EML4: variants seen among roughly 807,000 people sequenced by gnomAD.
The protein encoded by EML4 is EMAP like 4.
A neutral mutation model predicts 129.0 loss-of-function variants in EML4; 72 were observed. That is an observed-to-expected ratio of 0.56 (90% CI 0.46 to 0.68). EML4 has a LOEUF of 0.68. EML4 is among the 30% of genes least tolerant of loss of function. The pLI, the probability that EML4 is intolerant of heterozygous loss-of-function variation, is 0.00. For missense variants in EML4, 1,363 were observed against 1,190.6 expected, an observed-to-expected ratio of 1.14 and a Z score of -2.13; for synonymous variants, 532 against 405.0, an observed-to-expected ratio of 1.31 and a Z score of -3.77.
chr2:42,253,955 CTG>C (rs1056157480), intron 2 of EML4, among the ~76,000 whole-genome samples: 16 of 152,136 alleles, frequency 1.1e-4, no homozygotes, highest in Admixed American at 3.9e-4. Context: ...CTTTCAAAAA[CTG>C]TTTTGAAAAT....
Position 42,214,096 on chromosome 2 carries a change from A to C in EML4, c.26-31409A>C, listed in dbSNP as rs549162009. 3.9e-5 allele frequency among the ~76,000 whole-genome samples: 6 copies of C among 152,322 alleles called. No individual in the cohort carries two copies. In the East Asian group the frequency reaches 9.6e-4, roughly 24 times the overall value. ...ATGTCAATGAAAACAAAAATGTAGA[A>C]GTTTAAAACATTTTACTGTTTTAAA... On this transcript the variant is annotated intron_variant, in intron 1 of 22. Transcript: ENST00000318522.
At chr2:42,307,962 T>C (rs1427789175) in intron 17 of EML4, among the ~76,000 whole-genome samples, 1 of 152,056 alleles carries the variant, frequency 6.6e-6, no homozygotes, top group East Asian at 1.9e-4. Context: ...GCCAAGGACA[T>C]TTTTCTAGTA....
chr2:42,279,136 T>A (rs1235424213), intron 6 of EML4, among the ~76,000 whole-genome samples: 1 of 152,174 alleles, frequency 6.6e-6, no homozygotes, highest in Non-Finnish European at 1.5e-5. Context: ...GTTTTTGTTT[T>A]TTATTATTGC....
At position 42,192,487 on chromosome 2, in the gene EML4, G is replaced by C. The variant is rs922161720; in HGVS notation, c.25+22851G>C. On this transcript the variant is annotated intron_variant, in intron 1 of 22. Coordinates refer to ENST00000318522, the MANE Select transcript of EML4 (RefSeq NM_019063.5). ...ACTCCTGACCTCAAGTGATCCACCT[G>C]CCTCAGCCTCCCAAAGTACTGGGAT... is the stretch of plus-strand genomic sequence containing the variant. Among the ~76,000 whole-genome samples, 8 of 152,086 alleles carry C rather than the reference G, an allele frequency of 5.3e-5. No individual in the cohort carries two copies. In the South Asian group the frequency reaches 1.2e-3, roughly 24 times the overall value.
chr2:42,184,447 A>G (rs1352964864), intron 1 of EML4, among the ~76,000 whole-genome samples: 1 of 134,360 alleles, frequency 7.4e-6, no homozygotes. Context: ...TCCCTGGTTT[A>G]AGAACTTTCA....
At chr2:42,245,251 T>C (rs1271560552) in intron 1 of EML4, among the ~76,000 whole-genome samples, 2 of 151,590 alleles carry the variant, frequency 1.3e-5, no homozygotes, top group Admixed American at 6.6e-5. Context: ...CGCATCATCA[T>C]GCCTGGCTAA....
At chr2:42,310,382 T>G (rs1234974783) in intron 17 of EML4, among the ~76,000 whole-genome samples, 2 of 151,754 alleles carry the variant, frequency 1.3e-5, no homozygotes, top group Non-Finnish European at 2.9e-5. Flanking sequence ...TCTTGCTCTG[T>G]CTCCCAGGCT....
rs1327959366 is a variant in EML4 at position 42,231,503 on chromosome 2, G to GT, written c.26-13994dup. ...TTTCTGCTCCCTCATTCCCCACACT[G>GT]TTTTTTTTCCTTTGTTCTCTATCAG... On this transcript the variant is annotated intron_variant, in intron 1 of 22. Transcript: ENST00000318522. 5.3e-5 allele frequency among the ~76,000 whole-genome samples: 8 copies of GT among 151,884 alleles called. No individual in the cohort carries two copies. In the South Asian group the frequency reaches 6.2e-4, roughly 12 times the overall value.
chr2:42,299,655 A>G (rs1474017272), intron 13 of EML4, among the ~76,000 whole-genome samples: 1 of 151,886 alleles, frequency 6.6e-6, no homozygotes, highest in Non-Finnish European at 1.5e-5. Flanking sequence ...GTCTTTTATG[A>G]CTTGCTTCTT....
At chr2:42,259,889 C>G (rs926343403) in intron 3 of EML4, among the ~76,000 whole-genome samples, 21 of 151,924 alleles carry the variant, frequency 1.4e-4, no homozygotes, top group African/African-American at 4.1e-4. Flanking sequence ...ACCACCACAC[C>G]CAGCTAATTT....
At chr2:42,199,793 C>T (rs1411124486) in intron 1 of EML4, among the ~76,000 whole-genome samples, 4 of 151,990 alleles carry the variant, frequency 2.6e-5, no homozygotes, top group African/African-American at 4.8e-5. Flanking sequence ...GGAACCGAAG[C>T]GTCACAGAAA....
chr2:42,313,639 A>C (rs1242452321), intron 17 of EML4, among the ~76,000 whole-genome samples: 1 of 152,170 alleles, frequency 6.6e-6, no homozygotes, highest in Admixed American at 6.5e-5. Flanking sequence ...ATGAAAAGAA[A>C]CTTATTGGCC....
intron 11 of EML4, among the ~76,000 whole-genome samples, chr2:42,294,456 G>A (rs899965294): frequency 3.9e-5 from 6 of 152,230 alleles, no homozygotes; most frequent in Admixed American, 3.9e-4. Flanking sequence ...AGCCCTTTGG[G>A]AGGCTGAGGT....
chr2:42,249,271 A>G (rs1675614506), intron 2 of EML4, among the ~76,000 whole-genome samples: 1 of 136,280 alleles, frequency 7.3e-6, no homozygotes, highest in East Asian at 2.2e-4. Flanking sequence ...CATTTTTTAT[A>G]CTATAGACAG....
At chr2:42,262,376 G>A (rs1364078698) in intron 4 of EML4, among the ~76,000 whole-genome samples, 1 of 151,990 alleles carries the variant, frequency 6.6e-6, no homozygotes, top group Non-Finnish European at 1.5e-5. Flanking sequence ...GCTTATTAAC[G>A]TTACATAACT....
chr2:42,237,595 C>T (rs1674757049), intron 1 of EML4, among the ~76,000 whole-genome samples: 1 of 152,158 alleles, frequency 6.6e-6, no homozygotes, highest in Admixed American at 6.5e-5. Context: ...TCCACGTATA[C>T]TTTTGCTTCC....
intron 19 of EML4, among the ~76,000 whole-genome samples, chr2:42,323,047 G>C (rs1273439535): frequency 1.3e-5 from 2 of 152,104 alleles, no homozygotes; most frequent in Non-Finnish European, 2.9e-5. Flanking sequence ...TGAATATTAT[G>C]TATATATACA....
intron 2 of EML4, among the ~76,000 whole-genome samples, chr2:42,251,561 A>G (rs998416024): frequency 2.0e-5 from 3 of 152,252 alleles, no homozygotes; most frequent in African/African-American, 7.2e-5. Flanking sequence ...CAAATGGAGA[A>G]GATAGAATTT....
At chr2:42,264,608 A>G in intron 5 of EML4, 98 bp from the exon 6 acceptor site, 1 of 734,842 alleles carries the variant, frequency 1.4e-6, no homozygotes, top group Non-Finnish European at 2.3e-6. Context: ...TCTAGATTAT[A>G]GCCTAAGCAT....
Sources: gnomAD v4.1 joint callset for allele counts (sites outside exome capture counted in the v4.1 genomes callset) on GRCh38, gnomAD v4.1.1 for gene constraint, MANE v1.5 for transcripts, NCBI Gene and HGNC (gene_info 2026-07-23, HGNC 2026-07-21) for gene names.